DYNLT2B: variants seen among roughly 807,000 people sequenced by gnomAD.
DYNLT2B encodes the protein dynein light chain Tctex-type protein 2B.
DYNLT2B carries 14 observed loss-of-function variants against 19.5 expected under a neutral mutation model. The observed-to-expected ratio is 0.72, with a 90% CI of 0.47 to 1.12. The LOEUF is 1.12. Among genes scored for constraint, DYNLT2B ranks in the 50% most tolerant of loss-of-function variants. The pLI, the probability that DYNLT2B is intolerant of heterozygous loss-of-function variation, is 0.00. For synonymous variants in DYNLT2B, 70 were observed against 59.7 expected, an observed-to-expected ratio of 1.17 and a Z score of -0.79; for missense variants, 133 against 174.7, an observed-to-expected ratio of 0.76 and a Z score of 1.35.
At chr3:196,301,567 G>T (rs1267314271) in intron 3 of DYNLT2B, among the ~76,000 whole-genome samples, 1 of 152,022 alleles carries the variant, frequency 6.6e-6, no homozygotes, top group South Asian at 2.1e-4. Context: ...ACAAAAACTA[G>T]GCGGGTGTGG....
intron 4 of DYNLT2B, among the ~76,000 whole-genome samples, chr3:196,291,713 C>A (rs73212149): frequency 0.081 from 12,284 of 152,260 alleles, 621 homozygotes; most frequent in African/African-American, 0.13. Context: ...CTCCTGGGAT[C>A]AAGCAATCCA....
chr3:196,316,751 T>A (rs578090834), intron 1 of DYNLT2B, among the ~76,000 whole-genome samples: 2 of 152,308 alleles, frequency 1.3e-5, no homozygotes, highest in South Asian at 4.1e-4. Flanking sequence ...CAAAGAAATT[T>A]GTATCACATT....
intron 2 of DYNLT2B, among the ~76,000 whole-genome samples, chr3:196,310,845 C>A (rs1302536090): frequency 6.6e-6 from 1 of 152,110 alleles, no homozygotes; most frequent in African/African-American, 2.4e-5. Context: ...AAGTGATTCT[C>A]CTGCCTCAGC....
At chr3:196,317,009 G>A (rs1231483918) in intron 1 of DYNLT2B, among the ~76,000 whole-genome samples, 2 of 115,402 alleles carry the variant, frequency 1.7e-5, no homozygotes, top group African/African-American at 6.6e-5. Context: ...CCGTGAGCCT[G>A]ACATTTTTTT....
At chr3:196,307,151 G>A in intron 2 of DYNLT2B, 139 bp from the exon 3 acceptor site, 2 of 675,770 alleles carry the variant, frequency 3.0e-6, no homozygotes, top group Admixed American at 2.6e-5. Context: ...GGGGTCAGGA[G>A]GACGTGAAGG....
At chr3:196,310,099 A>T (rs919302498) in intron 2 of DYNLT2B, among the ~76,000 whole-genome samples, 2 of 139,638 alleles carry the variant, frequency 1.4e-5, no homozygotes, top group African/African-American at 2.4e-5. Context: ...CAGGTTATCA[A>T]ATTTTTTAAC....
chr3:196,315,434 T>C (rs1726757037), intron 2 of DYNLT2B, among the ~76,000 whole-genome samples: 1 of 151,760 alleles, frequency 6.6e-6, no homozygotes, highest in East Asian at 2.0e-4. Context: ...AGCTATTTTT[T>C]GTATTTTTAG....
chr3:196,315,185 GA>G (rs1330436073), intron 2 of DYNLT2B: 5 of 420,614 alleles, frequency 1.2e-5, no homozygotes, highest in Non-Finnish European at 1.4e-5. Flanking sequence ...AGACACTGAA[GA>G]AAAAGTTGTC....
At chr3:196,294,336 A>C (rs1412816357) in intron 4 of DYNLT2B, among the ~76,000 whole-genome samples, 1 of 152,220 alleles carries the variant, frequency 6.6e-6, no homozygotes, top group Non-Finnish European at 1.5e-5. Flanking sequence ...AACAAGAGCA[A>C]AATTCTGTCT....
At chr3:196,305,862 C>A in intron 3 of DYNLT2B, 1 of 153,468 alleles carries the variant, frequency 6.5e-6, no homozygotes. Flanking sequence ...AAAAACAACA[C>A]ATTGAAGTAA....
chr3:196,316,980 G>GAGT (rs1190693505), intron 1 of DYNLT2B, among the ~76,000 whole-genome samples: 1 of 141,168 alleles, frequency 7.1e-6, no homozygotes, highest in African/African-American at 2.7e-5. Flanking sequence ...AAACCTAGCT[G>GAGT]AGTACCCTCT....
rs537885324 is a variant in DYNLT2B, at chr3:196,298,245, A to G, written c.318-2176T>C. On this transcript the variant is annotated intron_variant, in intron 3 of 4. Coordinates refer to ENST00000325318, the MANE Select transcript of DYNLT2B (RefSeq NM_152773.5). ...AGAAGCAGAATCAAGCACACACCAC[A>G]AGAGAGAGTTGTTTGTTTTTTGAGA... The G allele has an allele frequency of 1.4e-4, 31 of 214,036 alleles. No individual in the cohort carries two copies. The East Asian group carries it at 4.6e-3, about 32-fold the overall frequency. 13.3% of individuals were successfully genotyped at this position (214,036 alleles called of 1,614,324 possible). A position where few individuals can be genotyped will look rare whatever the true frequency, so the allele number is the denominator to read the frequency against.
intron 2 of DYNLT2B, among the ~76,000 whole-genome samples, chr3:196,315,793 A>G (rs1015370969): frequency 2.4e-4 from 37 of 151,988 alleles, no homozygotes; most frequent in Admixed American, 1.2e-3. Context: ...AATCACTTGA[A>G]CCCGGGAGGC....
chr3:196,294,122 C>G (rs897249070), intron 4 of DYNLT2B, among the ~76,000 whole-genome samples: 1 of 151,950 alleles, frequency 6.6e-6, no homozygotes, highest in Admixed American at 6.6e-5. Context: ...GAGGCCGAGG[C>G]GGGCCGATCA....
intron 4 of DYNLT2B, among the ~76,000 whole-genome samples, chr3:196,295,528 A>G (rs754937745): frequency 1.7e-4 from 26 of 152,118 alleles, no homozygotes; most frequent in Non-Finnish European, 3.1e-4. Context: ...AAGATAAAGT[A>G]ATAAATTTTA....
At chr3:196,298,368 G>A (rs963070569) in intron 3 of DYNLT2B, among the ~76,000 whole-genome samples, 1 of 152,088 alleles carries the variant, frequency 6.6e-6, no homozygotes, top group African/African-American at 2.4e-5. Flanking sequence ...AGGCTAGAGT[G>A]CAGTGGCACA....
At chr3:196,309,203 G>A (rs1198523495) in intron 2 of DYNLT2B, among the ~76,000 whole-genome samples, 1 of 152,160 alleles carries the variant, frequency 6.6e-6, no homozygotes, top group Non-Finnish European at 1.5e-5. Context: ...ATCTCTTAAG[G>A]CCAGAAGTTC....
intron 3 of DYNLT2B, among the ~76,000 whole-genome samples, chr3:196,299,464 C>T (rs1726297029): frequency 6.6e-6 from 1 of 152,074 alleles, no homozygotes; most frequent in Non-Finnish European, 1.5e-5. Context: ...CTCAGGCAAT[C>T]TGCCCGCCTT....
intron 2 of DYNLT2B, 59 bp from the exon 3 acceptor site, chr3:196,307,071 GA>G: frequency 1.3e-6 from 2 of 1,489,894 alleles, no homozygotes; most frequent in Non-Finnish European, 1.9e-6. Context: ...ACTTATTGAA[GA>G]CAAATTTGCC....
Sources: allele counts gnomAD v4.1 joint callset (sites outside exome capture counted in the v4.1 genomes callset), GRCh38; gene constraint gnomAD v4.1.1; transcripts MANE v1.5; gene names NCBI Gene and HGNC (gene_info 2026-07-23, HGNC 2026-07-21).